The following MEI1 variants were observed in gnomAD, a reference collection of about 807,000 sequenced individuals.
MEI1 encodes the protein meiosis inhibitor protein 1.
Under a neutral mutation model 146.2 loss-of-function variants are expected in MEI1, and 103 were observed. That is an observed-to-expected ratio of 0.70 (90% CI 0.60 to 0.83). The LOEUF (loss-of-function observed/expected upper bound fraction) is 0.83, where lower values mean the gene tolerates loss of function less well. Among genes scored for constraint, MEI1 ranks in the 40% least tolerant of loss-of-function variants. MEI1 has a pLI of 0.00. For missense variants in MEI1, 1,529 were observed against 1,533.0 expected, an observed-to-expected ratio of 1.00 and a Z score of 0.04; for synonymous variants, 652 against 628.2, an observed-to-expected ratio of 1.04 and a Z score of -0.57.
At chr22:41,778,920 G>A (rs1476104666) in intron 22 of MEI1, 108 bp downstream of exon 22, 4 of 787,088 alleles carry the variant, frequency 5.1e-6, no homozygotes, top group Non-Finnish European at 6.3e-6. Flanking sequence ...CATCCCTTTG[G>A]AAGAAGCTAG....
chr22:41,786,309 G>A (rs2075985112), intron 26 of MEI1, among the ~76,000 whole-genome samples: 2 of 152,184 alleles, frequency 1.3e-5, no homozygotes, highest in African/African-American at 4.8e-5. Flanking sequence ...GCCTCCAGAA[G>A]TGCTAGGATT....
Position 41,754,192 on chromosome 22 carries a change from T to C in MEI1, c.1951+146T>C, listed in dbSNP as rs531885854. On this transcript the variant is annotated intron_variant, in intron 17 of 30. Transcript: ENST00000401548. ...CAGAGGAATCGGAGTGATGCAATTA[T>C]AGGTTGATTCCTAGGGATATGAAGT... 8 of 627,030 alleles carry C rather than the reference T, an allele frequency of 1.3e-5. No homozygotes were observed. The South Asian group carries it at 1.3e-4, about 10-fold the overall frequency. The allele number at this position is 627,030 out of a possible 1,614,324, so 38.8% of individuals were successfully genotyped here. A position where few individuals can be genotyped will look rare whatever the true frequency, so the allele number is the denominator to read the frequency against.
At chr22:41,774,721 A>G (rs2075355201) in intron 20 of MEI1, among the ~76,000 whole-genome samples, 1 of 152,190 alleles carries the variant, frequency 6.6e-6, no homozygotes, top group African/African-American at 2.4e-5. Context: ...TTGGGGTGAC[A>G]CCTATATGGA....
chr22:41,749,419 G>A (rs1247767379), intron 15 of MEI1, among the ~76,000 whole-genome samples: 1 of 152,106 alleles, frequency 6.6e-6, no homozygotes. Flanking sequence ...GAGATTACAG[G>A]CATGTGCCAC....
intron 25 of MEI1, 88 bp from the exon 26 acceptor site, chr22:41,784,520 C>A: frequency 6.3e-7 from 1 of 1,593,572 alleles, no homozygotes; most frequent in African/African-American, 1.3e-5. Flanking sequence ...ATAATTGTCT[C>A]ATCTTCATTG....
intron 14 of MEI1, 124 bp from the exon 15 acceptor site, chr22:41,747,982 TC>T: frequency 1.5e-6 from 1 of 667,668 alleles, no homozygotes; most frequent in Non-Finnish European, 2.7e-6. Context: ...GACTTTAAGT[TC>T]CCTAGCTTTT....
At position 41,754,010 on chromosome 22, in the gene MEI1, T is replaced by TCA; in HGVS notation, c.1916_1917dup (p.Ala640GlnfsTer28). ...CTACTATATGTGCCTCAACCTTCTC[T>TCA]CAGCTCCAGAGAAGACAGGACCACC... On this transcript the variant is annotated frameshift_variant, in exon 17 of 31. Coordinates refer to ENST00000401548, the MANE Select transcript of MEI1 (RefSeq NM_152513.4). LOFTEE classifies it high-confidence loss of function. The TCA allele has an allele frequency of 6.2e-7, 1 of 1,613,760 alleles. No homozygotes were observed. The highest frequency in any genetic ancestry group is 1.3e-5 in the African/African-American group (1 of 75,030).
At chr22:41,737,311 A>G (rs1415686413) in intron 11 of MEI1, among the ~76,000 whole-genome samples, 1 of 151,358 alleles carries the variant, frequency 6.6e-6, no homozygotes, top group Admixed American at 6.6e-5. Context: ...ATCTCGGCTC[A>G]CTGCAAGCTC....
rs757474368 is a variant in MEI1, at chr22:41,745,926, A to G, written c.1580A>G (p.Asn527Ser). The change falls in exon 14 of 31, where the codon AAT becomes AGT. Residue 527 changes from asparagine to serine, a missense_variant. Physicochemically the swap from Asn to Ser is conservative, Grantham distance 46. Around this residue, in one of 3 missense-constraint regions of MEI1, gnomAD observed 1,212 missense variants for 1,178.9 expected, o/e 1.03. Coordinates refer to ENST00000401548, the MANE Select transcript of MEI1 (RefSeq NM_152513.4). Reference protein sequence around the residue: ...EFQSEPSAQENPFTAPSAKKE... With the variant: ...EFQSEPSAQESPFTAPSAKKE... ...CAGAGTGAGCCTTCAGCCCAGGAGA[A>G]TCCATTCACAGCTCCCAGCGCCAAG... The G allele has an allele frequency of 8.7e-6, 14 of 1,613,544 alleles. No homozygotes were observed. The South Asian group carries it at 1.4e-4, about 16-fold the overall frequency.
chr22:41,757,251 C>T lies in MEI1; in HGVS notation c.1952-1114C>T, dbSNP rs573966402. On this transcript the variant is annotated intron_variant, in intron 17 of 30. Transcript: ENST00000401548. ...CTGGGACTACAGGGGCCCGCCACCT[C>T]GCCTGGCTATTTTTTTGTATTTTTA... Among the ~76,000 whole-genome samples the T allele has an allele frequency of 4.6e-5, 7 of 150,724 alleles. No individual in the cohort carries two copies. The East Asian group carries it at 9.8e-4, about 21-fold the overall frequency.
intron 11 of MEI1, among the ~76,000 whole-genome samples, chr22:41,734,067 G>T (rs957595618): frequency 6.6e-5 from 10 of 151,990 alleles, no homozygotes; most frequent in African/African-American, 2.4e-4. Flanking sequence ...GGCGGAGGTT[G>T]CAGTGAGTGG....
chr22:41,740,188 T>G (rs1358976547), intron 11 of MEI1, among the ~76,000 whole-genome samples: 1 of 151,838 alleles, frequency 6.6e-6, no homozygotes, highest in Non-Finnish European at 1.5e-5. Flanking sequence ...CCTGGATACT[T>G]CTTGTATTTT....
rs1356370405 is a variant in MEI1 at position 41,795,586 on chromosome 22, C to T, written c.3666+44C>T. On this transcript the variant is annotated intron_variant, in intron 29 of 30. Coordinates refer to ENST00000401548, the MANE Select transcript of MEI1 (RefSeq NM_152513.4). This position sits in a 1 kb window ranked among gnomAD's most constrained non-coding sequence, Gnocchi z 4.2. The stretch of plus-strand genomic sequence containing the variant: ...CCATGCAGCCACTGTAAAGCTAGAC[C>T]CTCAACACCATCTTCTCTTGGAGGG... 1 of 1,611,660 alleles carries T rather than the reference C, an allele frequency of 6.2e-7. No individual in the cohort carries two copies. Among genetic ancestry groups the T allele is most frequent in the South Asian group, 1.1e-5 (1 of 90,940 alleles).
intron 20 of MEI1, among the ~76,000 whole-genome samples, chr22:41,775,476 G>C (rs2075389797): frequency 6.6e-6 from 1 of 152,182 alleles, no homozygotes; most frequent in African/African-American, 2.4e-5. Flanking sequence ...CTTGGAGTTA[G>C]GAGACTTGCA....
At chr22:41,712,929 C>A (rs1268149420) in intron 3 of MEI1, among the ~76,000 whole-genome samples, 1 of 151,568 alleles carries the variant, frequency 6.6e-6, no homozygotes, top group East Asian at 1.9e-4. Context: ...CTGCCTCAGC[C>A]TCCTGAGTAG....
In MEI1 at chr22:41,748,201, A is replaced by G. The variant is rs764437619; in HGVS notation, c.1775A>G (p.Lys592Arg). The change falls in exon 15 of 31, where the codon AAG becomes AGG. Residue 592 changes from lysine (K) to arginine (R), a missense_variant. Lys to Arg is a conservative substitution (Grantham distance 26). Around this residue, in one of 3 missense-constraint regions of MEI1, gnomAD observed 1,212 missense variants for 1,178.9 expected, o/e 1.03. Transcript: ENST00000401548. ...GTCATCGTTCCCCACATGAAGGAGA[A>G]GTTTTCCAAGAAGCTTGGTAGGCAG... ...LFVIVPHMKE[K>R]FSKKLASSSF... 3.7e-6 allele frequency: 6 copies of G among 1,613,310 alleles called. No individual in the cohort carries two copies. In the East Asian group the frequency reaches 1.1e-4, roughly 30 times the overall value.
chr22:41,728,165 A>G (rs1170682562), intron 7 of MEI1, among the ~76,000 whole-genome samples: 1 of 152,166 alleles, frequency 6.6e-6, no homozygotes, highest in Non-Finnish European at 1.5e-5. Flanking sequence ...AAAAGGCCAC[A>G]TATAAGTAGA....
At chr22:41,780,582 T>TC (rs1416328249) in intron 22 of MEI1, among the ~76,000 whole-genome samples, 30 of 134,278 alleles carry the variant, frequency 2.2e-4, no homozygotes, top group African/African-American at 8.2e-4. Flanking sequence ...TTTTCTTTTC[T>TC]TTTTTTTTTT....
At chr22:41,745,779 T>C (rs1370540563) in intron 13 of MEI1, 106 bp from the exon 14 acceptor site, 6 of 1,153,424 alleles carry the variant, frequency 5.2e-6, no homozygotes, top group Admixed American at 2.4e-5. Flanking sequence ...AGAGATACTT[T>C]CCCTGGACCC....
Sources: allele counts gnomAD v4.1 joint callset (sites outside exome capture counted in the v4.1 genomes callset), GRCh38; gene constraint gnomAD v4.1.1; regional missense constraint gnomAD v4.1.1; non-coding constraint Gnocchi (gnomAD v3.1); transcripts MANE v1.5; gene names NCBI Gene and HGNC (gene_info 2026-07-23, HGNC 2026-07-21).